Variants in GALNTL6 observed in about 807,000 individuals in gnomAD.
The protein encoded by GALNTL6 is polypeptide N-acetylgalactosaminyltransferase-like 6.
A neutral mutation model predicts 73.7 loss-of-function variants in GALNTL6; 46 were observed. The observed-to-expected ratio is 0.62, with a 90% confidence interval of 0.49 to 0.80. The LOEUF (loss-of-function observed/expected upper bound fraction) is 0.80, where lower values mean the gene tolerates loss of function less well. Ranked by LOEUF, GALNTL6 falls within the 30% of genes least tolerant of loss-of-function variation. GALNTL6 has a pLI of 0.00. For missense variants in GALNTL6, 604 were observed against 755.0 expected (o/e 0.80, Z 2.34); for synonymous variants, 259 against 263.7 (o/e 0.98, Z 0.17).
chr4:172,476,976 G>A (rs1390577582), intron 5 of GALNTL6, among the ~76,000 whole-genome samples: 1 of 140,474 alleles, frequency 7.1e-6, no homozygotes, highest in Non-Finnish European at 1.5e-5. Flanking sequence ...CCAGGCTAGA[G>A]TGCAGTGGCA....
chr4:172,135,429 A>G (rs968923109), intron 2 of GALNTL6, among the ~76,000 whole-genome samples: 2 of 137,382 alleles, frequency 1.5e-5, no homozygotes, highest in South Asian at 4.5e-4. Flanking sequence ...GAGAGAGAGA[A>G]AGAGAGAGAG....
chr4:172,376,528 A>T (rs926456318), intron 5 of GALNTL6, among the ~76,000 whole-genome samples: 2 of 152,218 alleles, frequency 1.3e-5, no homozygotes, highest in Non-Finnish European at 2.9e-5. Flanking sequence ...AGGGGTTGTT[A>T]GACAGCCCTT....
intron 2 of GALNTL6, among the ~76,000 whole-genome samples, chr4:172,217,217 C>G (rs1374678477): frequency 6.6e-6 from 1 of 152,144 alleles, no homozygotes; most frequent in Non-Finnish European, 1.5e-5. Context: ...TAGAGACTCT[C>G]TACAGATGCA....
chr4:172,697,161 A>T (rs1733747812), intron 5 of GALNTL6, among the ~76,000 whole-genome samples: 1 of 152,234 alleles, frequency 6.6e-6, no homozygotes, highest in Non-Finnish European at 1.5e-5. Context: ...ACAGCAAATT[A>T]TGTGAAAAAA....
intron 2 of GALNTL6, among the ~76,000 whole-genome samples, chr4:172,139,551 A>G (rs1049706945): frequency 2.0e-5 from 3 of 152,194 alleles, no homozygotes; most frequent in Non-Finnish European, 4.4e-5. Context: ...GATGTAATTA[A>G]TATAATCCCA....
intron 2 of GALNTL6, among the ~76,000 whole-genome samples, chr4:171,934,492 C>A (rs140981337): frequency 7.2e-5 from 11 of 152,178 alleles, no homozygotes; most frequent in Non-Finnish European, 1.2e-4. Context: ...TGGCTCACTG[C>A]AGCCTCAATT....
At chr4:172,099,669 G>A (rs1344333091) in intron 2 of GALNTL6, among the ~76,000 whole-genome samples, 1 of 152,056 alleles carries the variant, frequency 6.6e-6, no homozygotes, top group Non-Finnish European at 1.5e-5. Context: ...CACTACACTT[G>A]TCTAGTTGTT....
intron 3 of GALNTL6, among the ~76,000 whole-genome samples, chr4:172,291,886 A>G (rs1739489198): frequency 6.6e-6 from 1 of 152,158 alleles, no homozygotes; most frequent in South Asian, 2.1e-4. Flanking sequence ...AAAACAATTC[A>G]AGTCATGTAT....
intron 2 of GALNTL6, among the ~76,000 whole-genome samples, chr4:172,176,202 A>AG (rs1458127853): frequency 6.6e-6 from 1 of 151,548 alleles, no homozygotes; most frequent in Non-Finnish European, 1.5e-5. Flanking sequence ...TAGCCGGGCG[A>AG]GGTGGCGGGC....
intron 3 of GALNTL6, among the ~76,000 whole-genome samples, chr4:172,268,912 A>G (rs1481690102): frequency 1.3e-5 from 2 of 152,264 alleles, no homozygotes; most frequent in East Asian, 3.9e-4. Context: ...AACTGTGAGA[A>G]ATAAATTCCT....
At chr4:172,362,056 A>G (rs1486845160) in intron 5 of GALNTL6, among the ~76,000 whole-genome samples, 7 of 152,178 alleles carry the variant, frequency 4.6e-5, no homozygotes, top group Non-Finnish European at 8.8e-5. Flanking sequence ...TTTGAGTATA[A>G]AATTTAGGCT....
intron 2 of GALNTL6, among the ~76,000 whole-genome samples, chr4:172,129,979 G>A (rs1733410259): frequency 6.6e-6 from 1 of 152,092 alleles, no homozygotes; most frequent in Non-Finnish European, 1.5e-5. Flanking sequence ...TTTATTCAAG[G>A]ATAGGCACTG....
At chr4:172,643,037 A>G (rs1030504374) in intron 5 of GALNTL6, among the ~76,000 whole-genome samples, 1 of 151,734 alleles carries the variant, frequency 6.6e-6, no homozygotes, top group African/African-American at 2.4e-5. Flanking sequence ...AAAAAAATAG[A>G]TATATAGAAA....
At chr4:172,469,205 G>T (rs375009740) in intron 5 of GALNTL6, among the ~76,000 whole-genome samples, 1 of 152,182 alleles carries the variant, frequency 6.6e-6, no homozygotes, top group Non-Finnish European at 1.5e-5. Flanking sequence ...GAAACAGAAG[G>T]TCTCTATTGG....
chr4:171,857,872 A>G (rs959387229), intron 2 of GALNTL6, among the ~76,000 whole-genome samples: 9 of 152,166 alleles, frequency 5.9e-5, no homozygotes, highest in Non-Finnish European at 1.3e-4. Flanking sequence ...GGGAAACTCT[A>G]TTATACTGAG....
chr4:172,189,907 G>A (rs77783506), intron 2 of GALNTL6, among the ~76,000 whole-genome samples: 3,100 of 152,134 alleles, frequency 0.02, 106 homozygotes, highest in African/African-American at 0.067. Flanking sequence ...GCTATTCAGC[G>A]TATAATCACT....
chr4:172,760,317 A>G (rs1373511589), intron 5 of GALNTL6, among the ~76,000 whole-genome samples: 1 of 152,194 alleles, frequency 6.6e-6, no homozygotes, highest in Non-Finnish European at 1.5e-5. Flanking sequence ...GGAGGCTGCT[A>G]CAAAAGGCCT....
At chr4:172,542,407 A>G (rs1735591105) in intron 5 of GALNTL6, among the ~76,000 whole-genome samples, 2 of 152,080 alleles carry the variant, frequency 1.3e-5, no homozygotes, top group Non-Finnish European at 2.9e-5. Context: ...TTGACTTTAC[A>G]GGGCGTTCTT....
intron 10 of GALNTL6, among the ~76,000 whole-genome samples, chr4:172,985,803 T>C (rs969882717): frequency 6.6e-6 from 1 of 152,228 alleles, no homozygotes; most frequent in Admixed American, 6.5e-5. Flanking sequence ...GAATTCAGGA[T>C]CTGAAAAATA....
Sources: allele counts gnomAD v4.1 joint callset (sites outside exome capture counted in the v4.1 genomes callset), GRCh38; gene constraint gnomAD v4.1.1; transcripts MANE v1.5; gene names NCBI Gene and HGNC (gene_info 2026-07-23, HGNC 2026-07-21).